The following KCNAB1 variants were observed in gnomAD, a reference collection of about 807,000 sequenced individuals.
KCNAB1 encodes the protein potassium voltage-gated channel subfamily A regulatory beta subunit 1.
Under a neutral mutation model 64.6 loss-of-function variants are expected in KCNAB1, and 35 were observed. That is an observed-to-expected ratio of 0.54 (90% confidence interval 0.41 to 0.72). The LOEUF (loss-of-function observed/expected upper bound fraction) is 0.72, where lower values mean the gene tolerates loss of function less well. KCNAB1 is among the 30% of genes least tolerant of loss of function. KCNAB1 has a pLI of 0.00. For synonymous variants in KCNAB1, 177 were observed against 183.8 expected (o/e 0.96, Z 0.30); for missense variants, 401 against 512.9 (o/e 0.78, Z 2.11).
Position 156,143,108 on chromosome 3 carries a change from C to T in KCNAB1, c.275+22222C>T. On this transcript the variant is annotated intron_variant, in intron 1 of 13. Transcript: ENST00000490337. Reference sequence around the variant, plus strand: ...CTGAAGCCAGATAACCCAAGGTATTCACAGCAAGATACAGTGAGTCTTAAA... The same window carrying T: ...CTGAAGCCAGATAACCCAAGGTATTTACAGCAAGATACAGTGAGTCTTAAA... The T allele has an allele frequency of 2.0e-6, 3 of 1,480,240 alleles. 1 individual carries two copies. The South Asian group carries it at 4.5e-5, about 22-fold the overall frequency. The allele number at this position is 1,480,240 out of a possible 1,614,324, so 91.7% of individuals were successfully genotyped here.
chr3:156,517,700 AC>A (rs1294278778), intron 11 of KCNAB1, among the ~76,000 whole-genome samples: 1 of 152,266 alleles, frequency 6.6e-6, no homozygotes, highest in African/African-American at 2.4e-5. Flanking sequence ...CAGAATGGAT[AC>A]AGGTGACTTT....
intron 1 of KCNAB1, among the ~76,000 whole-genome samples, chr3:156,199,884 G>A (rs1304128847): frequency 6.6e-6 from 1 of 152,160 alleles, no homozygotes; most frequent in Admixed American, 6.5e-5. Flanking sequence ...GTGATCCTTT[G>A]GAGGAGAAGA....
chr3:156,283,688 C>G (rs1719890912), intron 1 of KCNAB1, among the ~76,000 whole-genome samples: 1 of 151,858 alleles, frequency 6.6e-6, no homozygotes, highest in Non-Finnish European at 1.5e-5. Flanking sequence ...TTTCTCTAGA[C>G]TTCCCCTCTC....
chr3:156,510,778 G>A (rs7644433), intron 8 of KCNAB1, among the ~76,000 whole-genome samples: 63,586 of 151,890 alleles, frequency 0.42, 13,843 homozygotes, highest in African/African-American at 0.54. Flanking sequence ...TGTCCATGGC[G>A]TTCCACCCTG....
At chr3:156,470,587 A>G (rs1343550758) in intron 7 of KCNAB1, among the ~76,000 whole-genome samples, 1 of 152,266 alleles carries the variant, frequency 6.6e-6, no homozygotes, top group Non-Finnish European at 1.5e-5. Flanking sequence ...CCAAGTAAGA[A>G]TAAGTAAATC....
chr3:156,430,142 G>C (rs1215771344), intron 2 of KCNAB1, among the ~76,000 whole-genome samples: 1 of 152,234 alleles, frequency 6.6e-6, no homozygotes, highest in East Asian at 1.9e-4. Context: ...AATCAGCAGG[G>C]ACTGCTGGCC....
Position 156,360,959 on chromosome 3 carries a change from C to T in KCNAB1, c.276-60657C>T, listed in dbSNP as rs112043604. Among the ~76,000 whole-genome samples the T allele has an allele frequency of 7.0e-3, 1,061 of 152,180 alleles. 11 individuals are homozygous for T. Among genetic ancestry groups the T allele is most frequent in the African/African-American group, 0.023 (971 of 41,500 alleles). On this transcript the variant is annotated intron_variant, in intron 1 of 13. Transcript: ENST00000490337. Reference sequence around the variant, plus strand: ...ATCCTGCTGCTGTCTCCCTTGTCCCCTTGGCCCACTTGCAACACAGCAGCC... The same window carrying T: ...ATCCTGCTGCTGTCTCCCTTGTCCCTTTGGCCCACTTGCAACACAGCAGCC...
chr3:156,502,723 G>C (rs568631692), intron 8 of KCNAB1, among the ~76,000 whole-genome samples: 116 of 152,264 alleles, frequency 7.6e-4, no homozygotes, highest in African/African-American at 2.7e-3. Context: ...AACTATAAAA[G>C]TTGCTTTTTT....
At chr3:156,209,687 G>A (rs1714893782) in intron 1 of KCNAB1, among the ~76,000 whole-genome samples, 1 of 152,208 alleles carries the variant, frequency 6.6e-6, no homozygotes, top group East Asian at 1.9e-4. Context: ...CCATAGCACA[G>A]AGGCATAAGG....
At chr3:156,191,919 A>G (rs906493516) in intron 1 of KCNAB1, among the ~76,000 whole-genome samples, 2 of 152,162 alleles carry the variant, frequency 1.3e-5, no homozygotes, top group Non-Finnish European at 1.5e-5. Context: ...TGATTCTCCA[A>G]ATGTTTTCCT....
chr3:156,206,480 G>A (rs1432445584), intron 1 of KCNAB1, among the ~76,000 whole-genome samples: 1 of 152,122 alleles, frequency 6.6e-6, no homozygotes, highest in Admixed American at 6.5e-5. Context: ...GCACTTTAAG[G>A]AGGAAGAGTT....
At chr3:156,335,000 AGCCT>A in intron 1 of KCNAB1, among the ~76,000 whole-genome samples, 1 of 152,170 alleles carries the variant, frequency 6.6e-6, no homozygotes, top group Non-Finnish European at 1.5e-5. Flanking sequence ...TGCATGCTAG[AGCCT>A]GCTGCTAAAT....
chr3:156,538,377 T>G lies in KCNAB1; in HGVS notation c.*1630T>G, dbSNP rs539134749. 2 of 152,366 alleles carry G rather than the reference T, an allele frequency of 1.3e-5. No individual in the cohort carries two copies. Among genetic ancestry groups the G allele is most frequent in the South Asian group, 2.1e-4 (1 of 4,828 alleles). 9.4% of individuals were successfully genotyped at this position (152,366 alleles called of 1,614,324 possible). A position where few individuals can be genotyped will look rare whatever the true frequency, so the allele number is the denominator to read the frequency against. ...AATCTGAAAATGCTAGTGGGAGATA[T>G]CAAGAAATTTTCTTTTTGATTACTA... On this transcript the variant is annotated 3_prime_UTR_variant, in exon 14 of 14. Coordinates refer to ENST00000490337, the MANE Select transcript of KCNAB1 (RefSeq NM_172160.3).
intron 1 of KCNAB1, among the ~76,000 whole-genome samples, chr3:156,306,002 G>A (rs1721467453): frequency 6.6e-6 from 1 of 152,152 alleles, no homozygotes; most frequent in South Asian, 2.1e-4. Context: ...ACAAAGAGGG[G>A]GCAATGGAAG....
At chr3:156,176,595 G>T in intron 1 of KCNAB1, 1 of 868,120 alleles carries the variant, frequency 1.2e-6, no homozygotes, top group Non-Finnish European at 2.0e-6. Flanking sequence ...TGTTCCTTCA[G>T]TATGGCAGAA....
chr3:156,421,078 C>T (rs973781295), intron 1 of KCNAB1, among the ~76,000 whole-genome samples: 2 of 151,560 alleles, frequency 1.3e-5, no homozygotes, highest in Non-Finnish European at 1.5e-5. Flanking sequence ...TAATTCACAT[C>T]CATTAGAATT....
chr3:156,347,012 T>C (rs1724525638), intron 1 of KCNAB1, among the ~76,000 whole-genome samples: 1 of 152,154 alleles, frequency 6.6e-6, no homozygotes, highest in Non-Finnish European at 1.5e-5. Context: ...CTTTTCAGAG[T>C]GTATTTGCTT....
At chr3:156,516,204 C>T (rs934033883) in intron 10 of KCNAB1, 66 bp from the exon 11 acceptor site, 7 of 1,096,686 alleles carry the variant, frequency 6.4e-6, no homozygotes, top group Middle Eastern at 2.0e-4. Flanking sequence ...ACACTACTGC[C>T]CCCACCGCCA....
Position 156,279,472 on chromosome 3 carries a change from G to GTA in KCNAB1, c.276-142139_276-142138dup, listed in dbSNP as rs1424784197. Among the ~76,000 whole-genome samples the GTA allele has an allele frequency of 2.6e-5, 4 of 152,142 alleles. No individual in the cohort carries two copies. The East Asian group carries it at 5.8e-4, about 22-fold the overall frequency. On this transcript the variant is annotated intron_variant, in intron 1 of 13. Transcript: ENST00000490337. ...AGCAGCATGGTTTATAGTCCTTTGG[G>GTA]TATATACCCAGTAATGGGATGGCTG...
Sources: gnomAD v4.1 joint callset for allele counts (sites outside exome capture counted in the v4.1 genomes callset) on GRCh38, gnomAD v4.1.1 for gene constraint, MANE v1.5 for transcripts, NCBI Gene and HGNC (gene_info 2026-07-23, HGNC 2026-07-21) for gene names.